VPS13A: variants seen among roughly 807,000 people sequenced by gnomAD.
VPS13A encodes the protein intermembrane lipid transfer protein VPS13A.
A neutral mutation model predicts 390.9 loss-of-function variants in VPS13A; 264 were observed. The observed-to-expected ratio is 0.68, with a 90% confidence interval of 0.61 to 0.75. VPS13A has a LOEUF of 0.75. VPS13A is among the 30% of genes least tolerant of loss of function. The pLI is 0.00. For synonymous variants in VPS13A, 1,231 were observed against 1,227.1 expected, an observed-to-expected ratio of 1.00 and a Z score of -0.07; for missense variants, 3,409 against 3,733.9, an observed-to-expected ratio of 0.91 and a Z score of 2.27.
At chr9:77,213,353 A>G in intron 9 of VPS13A, 39 bp downstream of exon 9, 1 of 1,515,486 alleles carries the variant, frequency 6.6e-7, no homozygotes, top group Non-Finnish European at 9.2e-7. Flanking sequence ...TTGGTATCAT[A>G]TTTTGCATGA....
intron 10 of VPS13A, among the ~76,000 whole-genome samples, chr9:77,217,672 T>C (rs1564638074): frequency 6.6e-6 from 1 of 152,222 alleles, no homozygotes; most frequent in Non-Finnish European, 1.5e-5. Context: ...AAGTATTCCA[T>C]GATGTTCATG....
intron 1 of VPS13A, among the ~76,000 whole-genome samples, chr9:77,188,195 G>A (rs530479398): frequency 6.6e-6 from 1 of 152,286 alleles, no homozygotes; most frequent in South Asian, 2.1e-4. Flanking sequence ...CTCCCCAGCA[G>A]CTGGGCAGAT....
At chr9:77,334,929 G>A (rs62573230) in intron 46 of VPS13A, among the ~76,000 whole-genome samples, 2,438 of 152,228 alleles carry the variant, frequency 0.016, 43 homozygotes, top group Non-Finnish European at 0.02. Flanking sequence ...CACAGTCCAG[G>A]GTGCCAGTAG....
chr9:77,355,744 G>C (rs1168369382), intron 54 of VPS13A, among the ~76,000 whole-genome samples: 1 of 152,120 alleles, frequency 6.6e-6, no homozygotes, highest in East Asian at 1.9e-4. Flanking sequence ...TATTGAAATT[G>C]TCTTCGATTC....
chr9:77,290,922 G>C (rs1302592734), intron 31 of VPS13A, among the ~76,000 whole-genome samples: 1 of 152,110 alleles, frequency 6.6e-6, no homozygotes, highest in Non-Finnish European at 1.5e-5. Flanking sequence ...TGTTATAGAT[G>C]AGTCTGATTC....
In VPS13A at chr9:77,366,857, A is replaced by C. The variant is rs773476522; in HGVS notation, c.8456A>C (p.Gln2819Pro). 3 of 1,612,822 alleles carry C rather than the reference A, an allele frequency of 1.9e-6. No individual in the cohort carries two copies. The highest frequency in any genetic ancestry group is 2.5e-6 in the Non-Finnish European group (3 of 1,179,300). The change falls in exon 61 of 72, where the codon CAA (glutamine) becomes CCA (proline). Residue 2819 changes from glutamine to proline, a missense_variant. Coordinates refer to ENST00000360280, the MANE Select transcript of VPS13A (RefSeq NM_033305.3). Reference protein sequence around the residue: ...KSIGATLTDVQDVVFKLAFFE... With the variant: ...KSIGATLTDVPDVVFKLAFFE... ...ATTGGTGCCACACTGACAGATGTAC[A>C]AGATGTAGTTTTTAAGTATGTTTAG... is the stretch of plus-strand genomic sequence containing the variant.
At chr9:77,318,748 AT>A (rs1407311847) in intron 41 of VPS13A, among the ~76,000 whole-genome samples, 157 bp downstream of exon 41, 1 of 152,122 alleles carries the variant, frequency 6.6e-6, no homozygotes, top group Non-Finnish European at 1.5e-5. Context: ...AAGTTTTCAA[AT>A]TTTGCCCTTG....
At chr9:77,363,051 A>G (rs896957296) in intron 59 of VPS13A, among the ~76,000 whole-genome samples, 1 of 152,022 alleles carries the variant, frequency 6.6e-6, no homozygotes, top group Non-Finnish European at 1.5e-5. Context: ...GTCATCTGAG[A>G]GGAGAGGTAG....
chr9:77,196,520 C>G lies in VPS13A; in HGVS notation c.101-3425C>G, dbSNP rs117129836. Among the ~76,000 whole-genome samples the G allele has an allele frequency of 2.1e-3, 315 of 152,274 alleles. 6 individuals are homozygous for G. The East Asian group carries it at 0.036, about 17-fold the overall frequency. ...TCCCCAGCCTCTGGCAACCACTATTCTATACACTACTTCTATGAGATGTCA... is the reference window on the plus strand; with the variant it reads ...TCCCCAGCCTCTGGCAACCACTATTGTATACACTACTTCTATGAGATGTCA... On this transcript the variant is annotated intron_variant, in intron 1 of 71. Coordinates refer to ENST00000360280, the MANE Select transcript of VPS13A (RefSeq NM_033305.3).
chr9:77,300,381 A>T lies in VPS13A; in HGVS notation c.3813-2534A>T, dbSNP rs191746319. Among the ~76,000 whole-genome samples the T allele has an allele frequency of 1.6e-3, 249 of 152,318 alleles. 1 individual carries two copies. The highest frequency in any genetic ancestry group is 7.2e-4 in the Non-Finnish European group (49 of 68,038). ...AGGATGAGTTCCTAGAAATAGAATT[A>T]CTCAGTTATAGAGTGTAGCCAGTTT... On this transcript the variant is annotated intron_variant, in intron 33 of 71. Coordinates refer to ENST00000360280, the MANE Select transcript of VPS13A (RefSeq NM_033305.3).
At chr9:77,261,910 A>G (rs562587520) in intron 23 of VPS13A, among the ~76,000 whole-genome samples, 3 of 152,350 alleles carry the variant, frequency 2.0e-5, no homozygotes, top group East Asian at 3.9e-4. Context: ...ATAGTTTGCT[A>G]ACAGTGAATG....
At chr9:77,352,447 G>A (rs757123148) in intron 53 of VPS13A, among the ~76,000 whole-genome samples, 3 of 151,662 alleles carry the variant, frequency 2.0e-5, no homozygotes, top group Non-Finnish European at 4.4e-5. Flanking sequence ...GTATTTAAGA[G>A]GATTGCCTAT....
chr9:77,240,065 C>T (rs1404111484), intron 19 of VPS13A, among the ~76,000 whole-genome samples: 3 of 151,390 alleles, frequency 2.0e-5, no homozygotes, highest in African/African-American at 7.3e-5. Context: ...ATTACTTGTG[C>T]ATTTACTACC....
At chr9:77,192,737 G>T (rs1225710608) in intron 1 of VPS13A, among the ~76,000 whole-genome samples, 1 of 152,090 alleles carries the variant, frequency 6.6e-6, no homozygotes, top group East Asian at 1.9e-4. Flanking sequence ...TCCCTTTGTA[G>T]TAGACCTACC....
chr9:77,243,921 T>C (rs149786582), intron 19 of VPS13A, among the ~76,000 whole-genome samples: 83 of 152,316 alleles, frequency 5.4e-4, no homozygotes, highest in African/African-American at 1.9e-3. Flanking sequence ...ACTGTTTTGT[T>C]ACTCCAAAGA....
chr9:77,182,964 T>C (rs1222950284), intron 1 of VPS13A, among the ~76,000 whole-genome samples: 1 of 152,182 alleles, frequency 6.6e-6, no homozygotes, highest in Admixed American at 6.5e-5. Context: ...CAGTTTTCGA[T>C]TTTTAAGGAG....
In VPS13A at chr9:77,383,647, A is replaced by AATTTG. The variant is rs1833551298; in HGVS notation, c.9189+1565_9189+1569dup. On this transcript the variant is annotated intron_variant, in intron 68 of 71. Coordinates refer to ENST00000360280, the MANE Select transcript of VPS13A (RefSeq NM_033305.3). ...ATACCAATAATTTCTCATGGTTGAT[A>AATTTG]ATTTGATTTTAGTGAAGCTTCTCAT... Among the ~76,000 whole-genome samples the AATTTG allele has an allele frequency of 2.0e-5, 3 of 152,128 alleles. No individual in the cohort carries two copies. In the South Asian group the frequency reaches 6.2e-4, roughly 32 times the overall value.
chr9:77,208,093 GAGAA>G (rs1194358804), intron 5 of VPS13A, among the ~76,000 whole-genome samples: 3 of 152,172 alleles, frequency 2.0e-5, no homozygotes, highest in Non-Finnish European at 4.4e-5. Context: ...GTAGTGGGTA[GAGAA>G]AGAAAGACAA....
intron 33 of VPS13A, among the ~76,000 whole-genome samples, chr9:77,298,000 G>A (rs1391911788): frequency 6.6e-6 from 1 of 152,198 alleles, no homozygotes; most frequent in South Asian, 2.1e-4. Context: ...ATGGTTGAAT[G>A]GGTGTGGGAG....
Sources: allele counts gnomAD v4.1 joint callset (sites outside exome capture counted in the v4.1 genomes callset), GRCh38; gene constraint gnomAD v4.1.1; transcripts MANE v1.5; gene names NCBI Gene and HGNC (gene_info 2026-07-23, HGNC 2026-07-21).